Variants in CAPZB observed in about 807,000 individuals in gnomAD.
CAPZB encodes the protein capping actin protein of muscle Z-line subunit beta.
CAPZB carries 2 observed loss-of-function variants against 38.1 expected under a neutral mutation model. That is an observed-to-expected ratio of 0.05 (90% confidence interval 0.02 to 0.17). CAPZB has a LOEUF of 0.17. Ranked by LOEUF, CAPZB falls within the 10% of genes least tolerant of loss-of-function variation. The pLI, the probability that CAPZB is intolerant of heterozygous loss-of-function variation, is 1.00. For synonymous variants in CAPZB, 107 were observed against 127.4 expected, an observed-to-expected ratio of 0.84 and a Z score of 1.08; for missense variants, 161 against 334.2, an observed-to-expected ratio of 0.48 and a Z score of 4.04.
intron 2 of CAPZB, among the ~76,000 whole-genome samples, chr1:19,395,434 C>T (rs537355205): frequency 6.6e-6 from 1 of 152,342 alleles, no homozygotes; most frequent in East Asian, 1.9e-4. Flanking sequence ...AAGCAGGCCT[C>T]CTGGGCTCGC....
intron 8 of CAPZB, among the ~76,000 whole-genome samples, chr1:19,343,188 G>A (rs529823534): frequency 1.3e-5 from 2 of 152,222 alleles, no homozygotes; most frequent in African/African-American, 4.8e-5. Flanking sequence ...CCAGTGGCAG[G>A]CCTAACGCCA....
At chr1:19,475,821 C>T (rs1324031371) in intron 1 of CAPZB, among the ~76,000 whole-genome samples, 5 of 152,166 alleles carry the variant, frequency 3.3e-5, no homozygotes, top group African/African-American at 1.2e-4. Flanking sequence ...GGGATTCTTA[C>T]ATTTATTAAG....
chr1:19,460,641 G>A (rs1277914007), intron 1 of CAPZB, among the ~76,000 whole-genome samples: 1 of 135,050 alleles, frequency 7.4e-6, no homozygotes, highest in Non-Finnish European at 1.5e-5. Flanking sequence ...TCAAGCTCCT[G>A]AGCTCAAGCG....
intron 2 of CAPZB, among the ~76,000 whole-genome samples, chr1:19,401,804 C>G (rs2094304575): frequency 6.6e-6 from 1 of 152,126 alleles, no homozygotes; most frequent in Non-Finnish European, 1.5e-5. Flanking sequence ...GGCTGACGAC[C>G]TATAATAACA....
At position 19,339,102 on chromosome 1, in the gene CAPZB, A is replaced by G. The variant is rs1484495472; in HGVS notation, c.*428T>C. On this transcript the variant is annotated 3_prime_UTR_variant, in exon 9 of 9. Coordinates refer to ENST00000264202, the MANE Select transcript of CAPZB (RefSeq NM_004930.5). ...CAAGCAACTCCCAAACACACACGGA[A>G]TAAGATTTCCAGTTTTTCTTCTCTC... 1.2e-5 allele frequency: 2 copies of G among 170,850 alleles called. No homozygotes were observed. The highest frequency in any genetic ancestry group is 4.8e-5 in the African/African-American group (2 of 41,546). The allele number at this position is 170,850 out of a possible 1,614,324, so 10.6% of individuals were successfully genotyped here.
intron 4 of CAPZB, among the ~76,000 whole-genome samples, chr1:19,373,545 A>AGG (rs1243819655): frequency 6.6e-6 from 1 of 152,132 alleles, no homozygotes; most frequent in Non-Finnish European, 1.5e-5. Flanking sequence ...CCGGTGGCAG[A>AGG]GGGAGCCTCT....
At chr1:19,481,972 A>C (rs1216978096) in intron 1 of CAPZB, among the ~76,000 whole-genome samples, 2 of 152,164 alleles carry the variant, frequency 1.3e-5, no homozygotes, top group African/African-American at 2.4e-5. Flanking sequence ...TAATACACAA[A>C]AAGCTGAATT....
chr1:19,464,190 A>C (rs1173927922), intron 1 of CAPZB, among the ~76,000 whole-genome samples: 1 of 151,688 alleles, frequency 6.6e-6, no homozygotes, highest in Non-Finnish European at 1.5e-5. Flanking sequence ...CTGTCGAAAA[A>C]GGGAAGAAAG....
chr1:19,380,464 AC>A (rs1305021221), intron 3 of CAPZB, among the ~76,000 whole-genome samples: 1 of 152,220 alleles, frequency 6.6e-6, no homozygotes, highest in Non-Finnish European at 1.5e-5. Context: ...ACAAGCTGGG[AC>A]CCCAGATGGC....
chr1:19,441,014 C>G (rs574077069), intron 1 of CAPZB, among the ~76,000 whole-genome samples: 2 of 152,058 alleles, frequency 1.3e-5, no homozygotes, highest in Non-Finnish European at 2.9e-5. Flanking sequence ...GAGCTGAGAT[C>G]GTGCCACTGC....
intron 7 of CAPZB, 54 bp from the exon 8 acceptor site, chr1:19,344,488 A>G (rs1569863710): frequency 1.5e-6 from 2 of 1,376,614 alleles, no homozygotes; most frequent in East Asian, 2.3e-5. Flanking sequence ...CCTGAGGCCC[A>G]CGCCCTCCCT....
intron 4 of CAPZB, among the ~76,000 whole-genome samples, chr1:19,367,168 G>A (rs2094093441): frequency 6.6e-6 from 1 of 152,256 alleles, no homozygotes; most frequent in Non-Finnish European, 1.5e-5. Context: ...GCTGCAGACG[G>A]CACACGAGGG....
chr1:19,371,437 T>C (rs894581804), intron 4 of CAPZB, among the ~76,000 whole-genome samples: 1 of 152,144 alleles, frequency 6.6e-6, no homozygotes, highest in African/African-American at 2.4e-5. Flanking sequence ...GCAGCAGGGG[T>C]CTGACGCACA....
At chr1:19,388,816 C>T (rs1019611850) in intron 2 of CAPZB, among the ~76,000 whole-genome samples, 62 of 152,108 alleles carry the variant, frequency 4.1e-4, no homozygotes, top group Non-Finnish European at 5.6e-4. Context: ...GGAGACAGAC[C>T]ACCCTTGAAG....
intron 1 of CAPZB, among the ~76,000 whole-genome samples, chr1:19,481,805 T>C (rs1570388402): frequency 6.6e-6 from 1 of 152,158 alleles, no homozygotes; most frequent in African/African-American, 2.4e-5. Context: ...TTTCCTGCCA[T>C]AGCTCATGCA....
intron 1 of CAPZB, among the ~76,000 whole-genome samples, chr1:19,470,133 T>A (rs2094582159): frequency 6.6e-6 from 1 of 152,182 alleles, no homozygotes. Flanking sequence ...GCAAGAGGAC[T>A]GCTTGAGCCC....
intron 1 of CAPZB, among the ~76,000 whole-genome samples, chr1:19,425,875 C>G (rs566886013): frequency 7.2e-5 from 11 of 152,322 alleles, no homozygotes; most frequent in Non-Finnish European, 1.5e-4. Context: ...TACCTACACT[C>G]CAAGTTTGGT....
At chr1:19,414,844 C>T (rs921457513) in intron 2 of CAPZB, among the ~76,000 whole-genome samples, 1 of 152,228 alleles carries the variant, frequency 6.6e-6, no homozygotes, top group Non-Finnish European at 1.5e-5. Context: ...AACAGCTTAA[C>T]AACGGATTTC....
chr1:19,434,441 T>C (rs1393627284), intron 1 of CAPZB, among the ~76,000 whole-genome samples: 1 of 151,590 alleles, frequency 6.6e-6, no homozygotes. Context: ...AAAACAGGCA[T>C]TGGCTGGGCA....
Sources: gnomAD v4.1 joint callset for allele counts (sites outside exome capture counted in the v4.1 genomes callset) on GRCh38, gnomAD v4.1.1 for gene constraint, MANE v1.5 for transcripts, NCBI Gene and HGNC (gene_info 2026-07-23, HGNC 2026-07-21) for gene names.